ZFHX3: variants seen among roughly 807,000 people sequenced by gnomAD.
ZFHX3 encodes zinc finger homeobox 3.
ZFHX3 carries 42 observed loss-of-function variants against 279.1 expected under a neutral mutation model. The observed-to-expected ratio is 0.15, with a 90% CI of 0.12 to 0.19. The LOEUF (loss-of-function observed/expected upper bound fraction) is 0.19. ZFHX3 is among the 10% of genes least tolerant of loss of function. The pLI is 1.00. For synonymous variants in ZFHX3, 2,293 were observed against 1,957.8 expected, an observed-to-expected ratio of 1.17 and a Z score of -4.52; for missense variants, 4,981 against 4,754.0, an observed-to-expected ratio of 1.05 and a Z score of -1.40.
chr16:73,738,755 A>C (rs1462428670), intron 1 of ZFHX3, among the ~76,000 whole-genome samples: 1 of 152,188 alleles, frequency 6.6e-6, no homozygotes, highest in Non-Finnish European at 1.5e-5. Flanking sequence ...ACACGGCTCC[A>C]GTCTTTGGCC....
chr16:73,346,512 TC>T (rs1426474972), intron 3 of ZFHX3, among the ~76,000 whole-genome samples: 1 of 152,200 alleles, frequency 6.6e-6, no homozygotes, highest in Non-Finnish European at 1.5e-5. Context: ...TGCTTTGTCA[TC>T]CAGGCTGGAG....
intron 1 of ZFHX3, among the ~76,000 whole-genome samples, chr16:73,029,151 G>A (rs1567640786): frequency 6.6e-6 from 1 of 152,168 alleles, no homozygotes; most frequent in Non-Finnish European, 1.5e-5. Context: ...CCCAGGGGCA[G>A]TTCGGAAAGT....
intron 2 of ZFHX3, among the ~76,000 whole-genome samples, chr16:73,545,048 A>G (rs2020086055): frequency 6.6e-6 from 1 of 152,068 alleles, no homozygotes; most frequent in Non-Finnish European, 1.5e-5. Context: ...CCCCTCATAC[A>G]ACAATAGCAG....
intron 7 of ZFHX3, among the ~76,000 whole-genome samples, chr16:73,099,710 C>CA (rs756694525): frequency 0.33 from 29,708 of 90,574 alleles, 4,615 homozygotes; most frequent in East Asian, 0.51. Context: ...GACTCCATCT[C>CA]AAAAAAAAAA....
intron 3 of ZFHX3, among the ~76,000 whole-genome samples, chr16:72,904,104 G>A (rs956688769): frequency 2.6e-4 from 40 of 152,298 alleles, no homozygotes; most frequent in African/African-American, 8.9e-4. Context: ...AGTGGCTCAC[G>A]CCTATAATCC....
chr16:73,719,075 T>C (rs562446671), intron 1 of ZFHX3, among the ~76,000 whole-genome samples: 1 of 152,234 alleles, frequency 6.6e-6, no homozygotes, highest in Non-Finnish European at 1.5e-5. Context: ...ACAGGCAGTG[T>C]ACACTGGATT....
At chr16:73,006,338 T>C (rs1963700435) in intron 1 of ZFHX3, among the ~76,000 whole-genome samples, 1 of 152,108 alleles carries the variant, frequency 6.6e-6, no homozygotes, top group Non-Finnish European at 1.5e-5. Context: ...AATTACCAAA[T>C]GCAGTCAAGT....
At chr16:73,309,660 G>T (rs1281500579) in intron 4 of ZFHX3, among the ~76,000 whole-genome samples, 1 of 152,138 alleles carries the variant, frequency 6.6e-6, no homozygotes, top group Non-Finnish European at 1.5e-5. Flanking sequence ...AACATGTTTT[G>T]ACAAACTGGG....
At chr16:73,690,841 T>G (rs146714421) in intron 1 of ZFHX3, among the ~76,000 whole-genome samples, 14 of 152,310 alleles carry the variant, frequency 9.2e-5, no homozygotes, top group Admixed American at 8.5e-4. Flanking sequence ...CTGCTCGCAC[T>G]CCACCCATCC....
At chr16:73,239,519 C>T (rs1849319918) in intron 5 of ZFHX3, among the ~76,000 whole-genome samples, 2 of 152,196 alleles carry the variant, frequency 1.3e-5, no homozygotes, top group Non-Finnish European at 2.9e-5. Context: ...TTTCCATTTT[C>T]CTTTTTACCT....
At chr16:73,666,064 C>T (rs974811739) in intron 2 of ZFHX3, among the ~76,000 whole-genome samples, 11 of 151,844 alleles carry the variant, frequency 7.2e-5, no homozygotes, top group Non-Finnish European at 1.0e-4. Context: ...GATCCACCCA[C>T]CTCAGCCTCC....
At chr16:73,099,721 A>G (rs1966208307) in intron 7 of ZFHX3, among the ~76,000 whole-genome samples, 2 of 151,326 alleles carry the variant, frequency 1.3e-5, no homozygotes, top group South Asian at 4.2e-4. Flanking sequence ...AAAAAAAAAA[A>G]AAAAAAAAGA....
intron 4 of ZFHX3, among the ~76,000 whole-genome samples, chr16:72,843,276 C>T (rs1189202114): frequency 1.3e-5 from 2 of 151,912 alleles, no homozygotes; most frequent in African/African-American, 4.8e-5. Flanking sequence ...TTTGGGAGGC[C>T]AAGGCAGGCA....
intron 2 of ZFHX3, among the ~76,000 whole-genome samples, chr16:73,641,659 T>G (rs1282267072): frequency 4.6e-5 from 7 of 152,058 alleles, no homozygotes; most frequent in Admixed American, 4.6e-4. Context: ...CCCTTAGATG[T>G]ATAAAATGGA....
Position 72,798,696 on chromosome 16 carries a change from C to A in ZFHX3, c.3986G>T (p.Gly1329Val). 1.9e-6 allele frequency: 3 copies of A among 1,557,220 alleles called. No homozygotes were observed. The highest frequency in any genetic ancestry group is 2.6e-6 in the Non-Finnish European group (3 of 1,156,550). The change falls in exon 9 of 10, where the codon GGA (glycine) becomes GTA (valine). Residue 1329 changes from glycine to valine, a missense_variant. Gly to Val is a moderately radical substitution (Grantham distance 109). This residue lies in a region of ZFHX3 where 1,751 missense variants were observed against 1,770.0 expected (regional missense o/e 0.99). Coordinates refer to ENST00000268489, the MANE Select transcript of ZFHX3 (RefSeq NM_006885.4). ...GCTTGCGGATGGCAAGATGTTCTTTCCCAGATCCTCTGAGGTTTCTGTTAA... is the reference window on the plus strand; with the variant it reads ...GCTTGCGGATGGCAAGATGTTCTTTACCAGATCCTCTGAGGTTTCTGTTAA... Reference protein sequence around the residue: ...GKQPETSEDLGKNILPSASTE... With the variant: ...GKQPETSEDLVKNILPSASTE...
chr16:73,516,278 A>G (rs991789200), intron 2 of ZFHX3, among the ~76,000 whole-genome samples: 4 of 152,206 alleles, frequency 2.6e-5, no homozygotes, highest in Non-Finnish European at 4.4e-5. Context: ...ACCAGGGCTT[A>G]CATCCTACCG....
At chr16:73,262,913 G>C (rs1279319960) in intron 4 of ZFHX3, among the ~76,000 whole-genome samples, 1 of 152,120 alleles carries the variant, frequency 6.6e-6, no homozygotes, top group African/African-American at 2.4e-5. Context: ...ATGCCAATCA[G>C]CTGGCCGACT....
intron 3 of ZFHX3, among the ~76,000 whole-genome samples, chr16:73,428,564 G>T (rs1167122742): frequency 1.3e-5 from 2 of 152,156 alleles, no homozygotes; most frequent in African/African-American, 4.8e-5. Flanking sequence ...CAGGGTCGAG[G>T]AATAGCCATG....
At position 73,230,326 on chromosome 16, in the gene ZFHX3, T is replaced by C. The variant is rs9935950; in HGVS notation, c.-1104+26721A>G. Among the ~76,000 whole-genome samples, 193 of 152,368 alleles carry C rather than the reference T, an allele frequency of 1.3e-3. 1 individual carries two copies. Among genetic ancestry groups the C allele is most frequent in the African/African-American group, 4.5e-3 (187 of 41,580 alleles). On this transcript the variant is annotated intron_variant, in intron 5 of 17. Coordinates refer to the ZFHX3 transcript ENST00000641206. ...CCAATGAAGATAATGACATTTCTTT[T>C]CATGGAACTATTTTAAATAGTTTAA...
Sources: allele counts gnomAD v4.1 joint callset (sites outside exome capture counted in the v4.1 genomes callset), GRCh38; gene constraint gnomAD v4.1.1; regional missense constraint gnomAD v4.1.1; transcripts MANE v1.5; gene names NCBI Gene and HGNC (gene_info 2026-07-23, HGNC 2026-07-21).